The following PCDHGA6 variants were observed in gnomAD, a reference collection of about 807,000 sequenced individuals.
PCDHGA6 encodes protocadherin gamma-A6.
In PCDHGA6, 41 loss-of-function variants were observed where a neutral mutation model predicts 60.6. That is an observed-to-expected ratio of 0.68 (90% confidence interval 0.53 to 0.88). The LOEUF (loss-of-function observed/expected upper bound fraction) is 0.88, where lower values mean the gene tolerates loss of function less well. PCDHGA6 is among the 40% of genes least tolerant of loss of function. The probability of loss-of-function intolerance (pLI) is 0.00; values close to 1 mark genes in which losing one functional copy is unlikely to be tolerated. For synonymous variants in PCDHGA6, 594 were observed against 524.4 expected (o/e 1.13, Z -1.81); for missense variants, 1,312 against 1,203.0 (o/e 1.09, Z -1.34).
Position 141,374,277 on chromosome 5 carries a change from G to T in PCDHGA6, c.194G>T (p.Arg65Leu). The T allele has an allele frequency of 1.2e-6, 2 of 1,613,958 alleles. No homozygotes were observed. The highest frequency in any genetic ancestry group is 1.3e-5 in the African/African-American group (1 of 75,066). Residue 65 changes from arginine to leucine, a missense_variant, in exon 1 of 4, where the codon CGC (arginine) becomes CTC (leucine). Arg to Leu is a moderately radical substitution (Grantham distance 102, BLOSUM62 -2). Coordinates refer to ENST00000517434, the MANE Select transcript of PCDHGA6 (RefSeq NM_018919.3). ...CAGGAGTTGGCGGAGCACGGAGTCC[G>T]CATCGTCTCCAGAGGTAGGATGCAG... ...EPQELAEHGV[R>L]IVSRGRMQLF...
chr5:141,467,296 A>G lies in PCDHGA6; in HGVS notation c.2425-27511A>G, dbSNP rs1032802325. Among the ~76,000 whole-genome samples the G allele has an allele frequency of 6.6e-5, 10 of 151,858 alleles. No individual in the cohort carries two copies. The East Asian group carries it at 9.7e-4, about 15-fold the overall frequency. On this transcript the variant is annotated intron_variant, in intron 1 of 3. Transcript: ENST00000517434. The stretch of plus-strand genomic sequence containing the variant: ...TCGAACTCTTGACCTCAAGTGATCC[A>G]CTCACCTCGGCCTCCCACAGTGCTG...
chr5:141,394,514 C>G (rs2093021412), intron 1 of PCDHGA6: 2 of 1,614,230 alleles, frequency 1.2e-6, no homozygotes, highest in South Asian at 1.1e-5. Context: ...ACCCCGCCCT[C>G]CCCACAGACG....
chr5:141,430,984 C>G (rs765063685), intron 1 of PCDHGA6: 2 of 1,613,530 alleles, frequency 1.2e-6, no homozygotes, highest in Non-Finnish European at 1.7e-6. Flanking sequence ...CGCAGCTTTT[C>G]GCCCTGAATC....
chr5:141,399,893 C>G (rs2093913222), intron 1 of PCDHGA6: 2 of 1,612,566 alleles, frequency 1.2e-6, no homozygotes, highest in Non-Finnish European at 1.7e-6. Flanking sequence ...AAGGTAGTGG[C>G]CGTGGACGCA....
rs769551114 is a variant in PCDHGA6, at chr5:141,402,989, T to A, written c.2424+26482T>A. On this transcript the variant is annotated intron_variant, in intron 1 of 3. Coordinates refer to ENST00000517434, the MANE Select transcript of PCDHGA6 (RefSeq NM_018919.3). ...AACCAAATGCCAGCTCCGCGGAAGA[T>A]TAGTCCTGCTATGCTCGCTCCTGGG... The A allele has an allele frequency of 2.5e-6, 4 of 1,611,874 alleles. No homozygotes were observed. Among genetic ancestry groups the A allele is most frequent in the Non-Finnish European group, 3.4e-6 (4 of 1,179,236 alleles).
chr5:141,465,688 G>C (rs1386213425), intron 1 of PCDHGA6, among the ~76,000 whole-genome samples: 1 of 152,086 alleles, frequency 6.6e-6, no homozygotes, highest in African/African-American at 2.4e-5. Context: ...TGACCAGTCT[G>C]CTTTTGCATT....
At position 141,423,686 on chromosome 5, in the gene PCDHGA6, A is replaced by T. The variant is rs752078243; in HGVS notation, c.2424+47179A>T. 10 of 1,328,296 alleles carry T rather than the reference A, an allele frequency of 7.5e-6. No homozygotes were observed. The East Asian group carries it at 3.6e-4, about 47-fold the overall frequency. The allele number at this position is 1,328,296 out of a possible 1,614,324, so 82.3% of individuals were successfully genotyped here. The stretch of plus-strand genomic sequence containing the variant: ...GTGAGATTTATTTCTCTGCCTCCTA[A>T]TTGTTGGTGTCTTGGCACAAGTCTT... On this transcript the variant is annotated intron_variant, in intron 1 of 3. Transcript: ENST00000517434.
intron 1 of PCDHGA6, chr5:141,392,939 C>T (rs1425022179): frequency 1.2e-6 from 2 of 1,613,830 alleles, no homozygotes; most frequent in Non-Finnish European, 1.7e-6. Context: ...CGGACAAAGG[C>T]TCCTTCGTGG....
intron 1 of PCDHGA6, chr5:141,478,378 G>A (rs1454112813): frequency 6.2e-7 from 1 of 1,613,558 alleles, no homozygotes; most frequent in Admixed American, 1.7e-5. Context: ...TGATGTCGCC[G>A]CACCTTTACC....
chr5:141,427,711 A>T, intron 1 of PCDHGA6: 1 of 1,036,498 alleles, frequency 9.6e-7, no homozygotes, highest in Non-Finnish European at 1.5e-6. Context: ...AGCGCCTCTG[A>T]CCTGGACCTA....
intron 1 of PCDHGA6, chr5:141,416,848 G>A (rs2154546681): frequency 1.3e-5 from 2 of 152,166 alleles, no homozygotes; most frequent in East Asian, 3.9e-4. Flanking sequence ...ATAATTCCAT[G>A]ATTTTTTTCA....
In PCDHGA6 at chr5:141,431,326, T is replaced by G. The variant is rs1486136293; in HGVS notation, c.2424+54819T>G. 6.2e-7 allele frequency: 1 copy of G among 1,614,046 alleles called. No individual in the cohort carries two copies. Among genetic ancestry groups the G allele is most frequent in the Non-Finnish European group, 8.5e-7 (1 of 1,180,018 alleles). On this transcript the variant is annotated intron_variant, in intron 1 of 3. Transcript: ENST00000517434. This position sits in a 1 kb window ranked among gnomAD's most constrained non-coding sequence, Gnocchi z 4.8. Reference sequence around the variant, plus strand: ...TCGTGCAAAATGGAGCCGACGGTAGTAAGTACCCCGAATTGGTGCTGAAAC... The same window carrying G: ...TCGTGCAAAATGGAGCCGACGGTAGGAAGTACCCCGAATTGGTGCTGAAAC...
At chr5:141,419,378 G>A in intron 1 of PCDHGA6, 3 of 1,613,710 alleles carry the variant, frequency 1.9e-6, no homozygotes, top group Non-Finnish European at 2.5e-6. Context: ...CTACGTGTCC[G>A]TGAGCGCGCA....
At chr5:141,387,770 T>A in intron 1 of PCDHGA6, 1 of 1,438,412 alleles carries the variant, frequency 7.0e-7, no homozygotes, top group Non-Finnish European at 9.2e-7. Flanking sequence ...AAGAATTTTT[T>A]CTTGAACTGG....
chr5:141,423,086 T>TG, intron 1 of PCDHGA6: 1 of 1,613,912 alleles, frequency 6.2e-7, no homozygotes, highest in South Asian at 1.1e-5. Flanking sequence ...CTCTTCGCGG[T>TG]GGGGGAGCAC....
intron 1 of PCDHGA6, among the ~76,000 whole-genome samples, chr5:141,462,086 A>C (rs993185274): frequency 6.6e-6 from 1 of 151,410 alleles, no homozygotes; most frequent in Non-Finnish European, 1.5e-5. Flanking sequence ...GCCTCCCAAA[A>C]TGCTGGGATT....
In PCDHGA6 at chr5:141,502,866, C is replaced by CTTTTTTTTTTTTTTTTT. The variant is rs549047197; in HGVS notation, c.2484-2513_2484-2512insTTTTTTTTTTTTTTTTT. Among the ~76,000 whole-genome samples the CTTTTTTTTTTTTTTTTT allele has an allele frequency of 3.1e-5, 4 of 128,046 alleles. 1 individual carries two copies. 84.0% of individuals were successfully genotyped at this position (128,046 alleles called of 152,430 possible). A position where few individuals can be genotyped will look rare whatever the true frequency, so the allele number is the denominator to read the frequency against. ...GAGCTGCCTAACCCTGACTCTCTGTCTTTTTTTTTTTTTTGACAGGGAGTC... is the reference window on the plus strand; with the variant it reads ...GAGCTGCCTAACCCTGACTCTCTGTCTTTTTTTTTTTTTTTTTTTTTTTTTTTTTTTGACAGGGAGTC... On this transcript the variant is annotated intron_variant, in intron 2 of 3. Transcript: ENST00000517434.
chr5:141,405,394 CTT>C lies in PCDHGA6; in HGVS notation c.2424+28889_2424+28890del, dbSNP rs1561700295. 3.8e-6 allele frequency: 6 copies of C among 1,593,014 alleles called. No individual in the cohort carries two copies. In the Admixed American group the frequency reaches 7.1e-5, roughly 19 times the overall value. On this transcript the variant is annotated intron_variant, in intron 1 of 3. Transcript: ENST00000517434. ...TGGTTCCGGTGAGTTCATTTTTTTT[CTT>C]TCTTTCTTTTCTTTTTTTGTTTTTT...
In PCDHGA6 at chr5:141,402,956, G is replaced by A. The variant is rs1276206622; in HGVS notation, c.2424+26449G>A. Reference sequence around the variant, plus strand: ...AAAATTCCAAAGCGAGGCAGCAATGGCAGCTCCAACCAAATGCCAGCTCCG... The same window carrying A: ...AAAATTCCAAAGCGAGGCAGCAATGACAGCTCCAACCAAATGCCAGCTCCG... On this transcript the variant is annotated intron_variant, in intron 1 of 3. Coordinates refer to ENST00000517434, the MANE Select transcript of PCDHGA6 (RefSeq NM_018919.3). 1.2e-6 allele frequency: 2 copies of A among 1,601,842 alleles called. No individual in the cohort carries two copies. The highest frequency in any genetic ancestry group is 2.7e-5 in the African/African-American group (2 of 74,454).
Sources: allele counts gnomAD v4.1 joint callset (sites outside exome capture counted in the v4.1 genomes callset), GRCh38; gene constraint gnomAD v4.1.1; non-coding constraint Gnocchi (gnomAD v3.1); transcripts MANE v1.5; gene names NCBI Gene and HGNC (gene_info 2026-07-23, HGNC 2026-07-21).